EDA: variants seen among roughly 807,000 people sequenced by gnomAD.
The protein encoded by EDA is ectodysplasin A.
In EDA, 2 loss-of-function variants were observed where a neutral mutation model predicts 23.6. The observed-to-expected ratio is 0.08, with a 90% CI of 0.03 to 0.27. The LOEUF (loss-of-function observed/expected upper bound fraction) is 0.27, where lower values mean the gene tolerates loss of function less well. Among genes scored for constraint, EDA ranks in the 10% least tolerant of loss-of-function variants. The pLI is 1.00. For missense variants in EDA, 229 were observed against 324.2 expected (o/e 0.71, Z 2.26); for synonymous variants, 131 against 132.0 (o/e 0.99, Z 0.05).
chrX:69,961,568 A>G lies in EDA; in HGVS notation c.502+4436A>G, dbSNP rs1260700247. Among the ~76,000 whole-genome samples, 3 of 112,110 alleles carry G rather than the reference A, an allele frequency of 2.7e-5. No individual in the cohort carries two copies. The East Asian group carries it at 8.4e-4, about 31-fold the overall frequency. ...AGGGTATATACAATCTTTCTGACTC[A>G]CCATTCAAGAATGACTAGGTTCATC... On this transcript the variant is annotated intron_variant, in intron 2 of 7. Transcript: ENST00000374552.
chrX:70,013,818 C>G (rs1482355740), intron 2 of EDA, among the ~76,000 whole-genome samples: 1 of 111,515 alleles, frequency 9.0e-6, no homozygotes, highest in Non-Finnish European at 1.9e-5. Context: ...GAACTAAGAT[C>G]CTGAGTGCTT....
chrX:69,824,265 T>C (rs2016338017), intron 1 of EDA, among the ~76,000 whole-genome samples: 1 of 110,957 alleles, frequency 9.0e-6, no homozygotes, highest in Non-Finnish European at 1.9e-5. Context: ...GGGGATTGCA[T>C]TGAATCTGTA....
chrX:69,821,213 G>C lies in EDA; in HGVS notation c.397-135814G>C, dbSNP rs1387686055. ...TTATGATGAGAACACATAGACACAT[G>C]GGTGGAACAACACACACTGGGGCCT... On this transcript the variant is annotated intron_variant, in intron 1 of 7. Transcript: ENST00000374552. Among the ~76,000 whole-genome samples, 16 of 103,572 alleles carry C rather than the reference G, an allele frequency of 1.5e-4. No homozygotes were observed. The Admixed American group carries it at 1.7e-3, about 11-fold the overall frequency. 89.9% of individuals were successfully genotyped at this position (103,572 alleles called of 115,157 possible).
chrX:70,018,380 C>A (rs1169305921), intron 2 of EDA, among the ~76,000 whole-genome samples: 1 of 111,861 alleles, frequency 8.9e-6, no homozygotes, highest in Non-Finnish European at 1.9e-5. Flanking sequence ...CAAAAAAGAG[C>A]CTGAATAGCC....
At chrX:69,877,563 A>G (rs777213559) in intron 1 of EDA, among the ~76,000 whole-genome samples, 29 of 110,277 alleles carry the variant, frequency 2.6e-4, no homozygotes, top group African/African-American at 8.6e-4. Flanking sequence ...AGTCCTTTAT[A>G]TTTTTTGTAT....
At chrX:69,864,229 G>GCT (rs2017448400) in intron 1 of EDA, among the ~76,000 whole-genome samples, 1 of 111,390 alleles carries the variant, frequency 9.0e-6, no homozygotes, top group Admixed American at 9.6e-5. Context: ...ACTGGAGCAG[G>GCT]TGCTGGTACT....
chrX:69,813,650 A>G (rs1336477230), intron 1 of EDA, among the ~76,000 whole-genome samples: 1 of 112,075 alleles, frequency 8.9e-6, no homozygotes, highest in Non-Finnish European at 1.9e-5. Flanking sequence ...GAGGAAAGGT[A>G]AGGAAACAAC....
chrX:70,017,150 T>C (rs1019965826), intron 2 of EDA, among the ~76,000 whole-genome samples: 2 of 111,603 alleles, frequency 1.8e-5, no homozygotes, highest in African/African-American at 6.5e-5. Flanking sequence ...CTCCTGAGAC[T>C]GAGCCAGGAA....
At chrX:69,811,021 G>A (rs2015944040) in intron 1 of EDA, among the ~76,000 whole-genome samples, 1 of 111,673 alleles carries the variant, frequency 9.0e-6, no homozygotes, top group East Asian at 2.8e-4. Flanking sequence ...GATGGCATAC[G>A]CAGTAGCAGC....
chrX:69,742,977 C>A (rs560965551), intron 1 of EDA: 3 of 111,271 alleles, frequency 2.7e-5, no homozygotes, highest in African/African-American at 9.8e-5. Flanking sequence ...GTCCAGTACT[C>A]TTCATCTCCT....
intron 1 of EDA, among the ~76,000 whole-genome samples, chrX:69,669,206 CTT>C (rs779900247): frequency 9.8e-6 from 1 of 102,307 alleles, no homozygotes. Context: ...ATAGTTGGAC[CTT>C]TTTTTTTTTT....
At chrX:69,941,858 C>T (rs1387891446) in intron 1 of EDA, among the ~76,000 whole-genome samples, 1 of 111,153 alleles carries the variant, frequency 9.0e-6, no homozygotes, top group Non-Finnish European at 1.9e-5. Context: ...TTCCTTCTTT[C>T]CTTTCTTCCT....
intron 1 of EDA, among the ~76,000 whole-genome samples, chrX:69,682,006 G>C (rs1305833533): frequency 9.3e-6 from 1 of 107,530 alleles, no homozygotes; most frequent in African/African-American, 3.3e-5. Context: ...TTTTGGTGTG[G>C]ATGTCCTTTC....
rs201928323 is a variant in EDA at position 69,674,102 on chromosome X, CCTATCTATCTAT to C, written c.396+57432_396+57443del. 1.5e-3 allele frequency among the ~76,000 whole-genome samples: 159 copies of C among 105,594 alleles called. 1 individual carries two copies. The highest frequency in any genetic ancestry group is 0.011 in the East Asian group (35 of 3,278). The allele number at this position is 105,594 out of a possible 115,157, so 91.7% of individuals were successfully genotyped here. The stretch of plus-strand genomic sequence containing the variant: ...TTATTGAACAATATTGTAGGAAAAG[CCTATCTATCTAT>C]CTATCTATCTATCTATCTATCTATC... On this transcript the variant is annotated intron_variant, in intron 1 of 7. Coordinates refer to ENST00000374552, the MANE Select transcript of EDA (RefSeq NM_001399.5).
chrX:69,958,553 A>G (rs1472036803), intron 2 of EDA, among the ~76,000 whole-genome samples: 2 of 107,893 alleles, frequency 1.9e-5, no homozygotes, highest in Non-Finnish European at 3.8e-5. Flanking sequence ...GCAGTAAGAT[A>G]GGGTTTTCTA....
intron 1 of EDA, among the ~76,000 whole-genome samples, chrX:69,749,094 C>A (rs2013721997): frequency 4.2e-5 from 3 of 70,831 alleles, no homozygotes; most frequent in African/African-American, 1.6e-4. Flanking sequence ...CCCCCTCCCC[C>A]CTCCCCACCA....
chrX:69,947,993 C>A (rs2018859125), intron 1 of EDA, among the ~76,000 whole-genome samples: 1 of 112,129 alleles, frequency 8.9e-6, no homozygotes, highest in Non-Finnish European at 1.9e-5. Context: ...ATAGATTTCA[C>A]CCTGTCCAGA....
intron 1 of EDA, among the ~76,000 whole-genome samples, chrX:69,675,846 A>T (rs1030432823): frequency 9.0e-6 from 1 of 111,450 alleles, no homozygotes; most frequent in Non-Finnish European, 1.9e-5. Context: ...ATGTGTATGT[A>T]TATGTGCACA....
chrX:69,782,523 C>T (rs967346583), intron 1 of EDA, among the ~76,000 whole-genome samples: 1 of 111,421 alleles, frequency 9.0e-6, no homozygotes, highest in Non-Finnish European at 1.9e-5. Context: ...TTATGAGGCA[C>T]ATTAGTGCTG....
Sources: allele counts gnomAD v4.1 joint callset (sites outside exome capture counted in the v4.1 genomes callset), GRCh38; gene constraint gnomAD v4.1.1; transcripts MANE v1.5; gene names NCBI Gene and HGNC (gene_info 2026-07-23, HGNC 2026-07-21).